Variants in LRP12 observed in about 807,000 individuals in gnomAD.
The protein encoded by LRP12 is low-density lipoprotein receptor-related protein 12.
In LRP12, 14 loss-of-function variants were observed where a neutral mutation model predicts 66.0. That is an observed-to-expected ratio of 0.21 (90% confidence interval 0.14 to 0.33). The LOEUF (loss-of-function observed/expected upper bound fraction) is 0.33, where lower values mean the gene tolerates loss of function less well. Ranked by LOEUF, LRP12 falls within the 10% of genes least tolerant of loss-of-function variation. The probability of loss-of-function intolerance (pLI) is 1.00; values close to 1 mark genes in which losing one functional copy is unlikely to be tolerated. For missense variants in LRP12, 889 were observed against 1,053.4 expected, an observed-to-expected ratio of 0.84 and a Z score of 2.16; for synonymous variants, 357 against 359.1, an observed-to-expected ratio of 0.99 and a Z score of 0.07.
At chr8:104,556,635 C>G (rs917248961) in intron 1 of LRP12, among the ~76,000 whole-genome samples, 1 of 151,618 alleles carries the variant, frequency 6.6e-6, no homozygotes, top group African/African-American at 2.4e-5. Flanking sequence ...AAATTGTTCA[C>G]AAAAAAAAGT....
intron 1 of LRP12, among the ~76,000 whole-genome samples, chr8:104,585,450 T>G (rs1033454820): frequency 6.6e-6 from 1 of 152,198 alleles, no homozygotes; most frequent in African/African-American, 2.4e-5. Context: ...GGTCTCAAAC[T>G]CCTGACTTCA....
intron 1 of LRP12, among the ~76,000 whole-genome samples, chr8:104,547,496 ATAT>A (rs1415030625): frequency 9.8e-5 from 13 of 132,118 alleles, no homozygotes; most frequent in South Asian, 2.3e-4. Context: ...TAATTCTGTT[ATAT>A]TATATTTTGT....
chr8:104,574,367 G>A (rs1310278820), intron 1 of LRP12, among the ~76,000 whole-genome samples: 6 of 152,058 alleles, frequency 3.9e-5, no homozygotes, highest in Non-Finnish European at 7.4e-5. Flanking sequence ...GGAGTCCTGC[G>A]ACCCGAAAGT....
intron 2 of LRP12, among the ~76,000 whole-genome samples, chr8:104,517,584 CAATTTT>C (rs1811090930): frequency 2.0e-5 from 3 of 151,950 alleles, no homozygotes; most frequent in Admixed American, 1.3e-4. Flanking sequence ...TCTTTTTGTA[CAATTTT>C]ACTTTATGAA....
intron 1 of LRP12, among the ~76,000 whole-genome samples, chr8:104,587,796 G>A (rs1191033505): frequency 3.3e-5 from 5 of 152,158 alleles, no homozygotes; most frequent in Non-Finnish European, 7.3e-5. Context: ...CTTTTTATAA[G>A]TAAAATTTAC....
At position 104,557,114 on chromosome 8, in the gene LRP12, A is replaced by C. The variant is rs182915027; in HGVS notation, c.80-25151T>G. ...ATCAACATAGAAGGTACATACATTA[A>C]GGCAATAAAAGCCATCTATGACAAA... On this transcript the variant is annotated intron_variant, in intron 1 of 6. Transcript: ENST00000276654. 3.3e-5 allele frequency among the ~76,000 whole-genome samples: 5 copies of C among 152,382 alleles called. No individual in the cohort carries two copies. In the East Asian group the frequency reaches 7.7e-4, roughly 23 times the overall value.
chr8:104,509,028 G>A lies in LRP12; in HGVS notation c.183C>T (p.Ile61=). ...PEQIRAPSGI[I]TSPGWPSEYP... is the part of the protein sequence containing the mutation. ...ATTCAGAAGGCCAGCCTGGGCTTGTGATTATGCCACTTGGTGCTCGTATTT... is the reference window on the plus strand; with the variant it reads ...ATTCAGAAGGCCAGCCTGGGCTTGTAATTATGCCACTTGGTGCTCGTATTT... Residue 61 remains isoleucine (I), a synonymous_variant, in exon 3 of 7, where the codon ATC becomes ATT. Transcript: ENST00000276654. 3 of 1,613,922 alleles carry A rather than the reference G, an allele frequency of 1.9e-6. No individual in the cohort carries two copies. Among genetic ancestry groups the A allele is most frequent in the Non-Finnish European group, 2.5e-6 (3 of 1,179,860 alleles).
At chr8:104,499,967 A>G (rs1453416927) in intron 3 of LRP12, among the ~76,000 whole-genome samples, 1 of 152,196 alleles carries the variant, frequency 6.6e-6, no homozygotes, top group Non-Finnish European at 1.5e-5. Flanking sequence ...TGCAGCTGAC[A>G]TTCTTAGGAG....
chr8:104,506,183 T>G (rs1810903538), intron 3 of LRP12: 1 of 152,208 alleles, frequency 6.6e-6, no homozygotes, highest in Admixed American at 6.5e-5. Flanking sequence ...TTAACATAAT[T>G]GGTTCCCTTT....
rs144620486 is a variant in LRP12, at chr8:104,582,647, G to C, written c.79+6172C>G. 4.6e-5 allele frequency among the ~76,000 whole-genome samples: 7 copies of C among 152,228 alleles called. 1 individual carries two copies. The highest frequency in any genetic ancestry group is 1.7e-4 in the African/African-American group (7 of 41,558). On this transcript the variant is annotated intron_variant, in intron 1 of 6. Coordinates refer to ENST00000276654, the MANE Select transcript of LRP12 (RefSeq NM_013437.5). ...TGACAAAATGACTGCCCTCAGAACTGAGTTCTCCACAGAACCCTTCTTAAG... is the reference window on the plus strand; with the variant it reads ...TGACAAAATGACTGCCCTCAGAACTCAGTTCTCCACAGAACCCTTCTTAAG...
chr8:104,527,697 G>A (rs1485335722), intron 2 of LRP12, among the ~76,000 whole-genome samples: 2 of 152,090 alleles, frequency 1.3e-5, no homozygotes, highest in Admixed American at 1.3e-4. Flanking sequence ...TAAGGGGAGC[G>A]AGGAGGGATA....
chr8:104,532,763 T>G (rs753601856), intron 1 of LRP12, among the ~76,000 whole-genome samples: 10 of 152,122 alleles, frequency 6.6e-5, no homozygotes, highest in Non-Finnish European at 1.3e-4. Context: ...GTATCACACT[T>G]CTATAATTGC....
intron 2 of LRP12, among the ~76,000 whole-genome samples, chr8:104,517,278 A>G (rs1430096835): frequency 6.6e-6 from 1 of 151,478 alleles, no homozygotes. Flanking sequence ...TGGTGTAATT[A>G]AACAGAAACA....
At chr8:104,508,655 C>T in intron 3 of LRP12, 1 of 237,906 alleles carries the variant, frequency 4.2e-6, no homozygotes, top group Non-Finnish European at 8.2e-6. Context: ...TAGTCTTGAC[C>T]CTAATAGGCT....
At chr8:104,578,162 T>A (rs1157137753) in intron 1 of LRP12, among the ~76,000 whole-genome samples, 15 of 150,174 alleles carry the variant, frequency 1.0e-4, no homozygotes, top group Admixed American at 7.9e-4. Context: ...GCTAGGCTAA[T>A]AAAGAAGAGA....
chr8:104,517,515 T>C (rs905929299), intron 2 of LRP12, among the ~76,000 whole-genome samples: 1 of 152,044 alleles, frequency 6.6e-6, no homozygotes, highest in South Asian at 2.1e-4. Context: ...TAAAGGTTAT[T>C]GAGGGAAGAG....
intron 1 of LRP12, among the ~76,000 whole-genome samples, chr8:104,572,418 A>T (rs956059254): frequency 6.6e-6 from 1 of 152,244 alleles, no homozygotes; most frequent in Non-Finnish European, 1.5e-5. Context: ...AATGTATAAA[A>T]CAAAATTTAA....
chr8:104,562,982 A>G (rs1474344158), intron 1 of LRP12, among the ~76,000 whole-genome samples: 2 of 152,164 alleles, frequency 1.3e-5, no homozygotes, highest in East Asian at 3.8e-4. Flanking sequence ...ATGTATAAGG[A>G]ATTAATCAGC....
chr8:104,495,952 AAAAAG>A (rs1810718377), intron 5 of LRP12: 1 of 152,192 alleles, frequency 6.6e-6, no homozygotes, highest in Non-Finnish European at 1.5e-5. Flanking sequence ...AAAAAGGAAA[AAAAAG>A]AAAAGATGCA....
Sources: allele counts gnomAD v4.1 joint callset (sites outside exome capture counted in the v4.1 genomes callset), GRCh38; gene constraint gnomAD v4.1.1; transcripts MANE v1.5; gene names NCBI Gene and HGNC (gene_info 2026-07-23, HGNC 2026-07-21).